RBBP8: variants seen among roughly 807,000 people sequenced by gnomAD.
The protein encoded by RBBP8 is DNA endonuclease RBBP8.
In RBBP8, 88 loss-of-function variants were observed where a neutral mutation model predicts 108.3. The observed-to-expected ratio is 0.81, with a 90% confidence interval of 0.68 to 0.97. The LOEUF (loss-of-function observed/expected upper bound fraction) is 0.97. Ranked by LOEUF, RBBP8 falls within the 50% of genes least tolerant of loss-of-function variation. RBBP8 has a pLI of 0.00. For synonymous variants in RBBP8, 332 were observed against 348.2 expected, an observed-to-expected ratio of 0.95 and a Z score of 0.52; for missense variants, 1,023 against 1,049.0, an observed-to-expected ratio of 0.98 and a Z score of 0.34.
chr18:22,916,910 A>G (rs1909385082), intron 2 of RBBP8: 1 of 152,176 alleles, frequency 6.6e-6, no homozygotes, highest in South Asian at 2.1e-4. Flanking sequence ...GATTTGCCTA[A>G]GTTAATATAG....
rs771164783 is a variant in RBBP8 at position 22,993,727 on chromosome 18, G to A, written c.1819G>A (p.Gly607Ser). Reference sequence around the variant, plus strand: ...ACAATTATTTCTGTTTTAGAGTGCTGGTTCTCATGAGCCAATAAAAATACA... The same window carrying A: ...ACAATTATTTCTGTTTTAGAGTGCTAGTTCTCATGAGCCAATAAAAATACA... Reference protein sequence around the residue: ...ENVLDDIKSAGSHEPIKIQTR... With the variant: ...ENVLDDIKSASSHEPIKIQTR... Residue 607 changes from glycine to serine, a missense_variant, in exon 12 of 19, where the codon GGT becomes AGT. Coordinates refer to ENST00000327155, the MANE Select transcript of RBBP8 (RefSeq NM_002894.3). 1 of 1,613,992 alleles carries A rather than the reference G, an allele frequency of 6.2e-7. No individual in the cohort carries two copies. Among genetic ancestry groups the A allele is most frequent in the African/African-American group, 1.3e-5 (1 of 74,914 alleles).
At chr18:22,972,648 G>A (rs968524264) in intron 5 of RBBP8, among the ~76,000 whole-genome samples, 10 of 151,886 alleles carry the variant, frequency 6.6e-5, no homozygotes, top group East Asian at 3.9e-4. Flanking sequence ...TCCTAACCTC[G>A]GTTGATCCGC....
At chr18:23,019,998 G>A (rs1419647988) in intron 17 of RBBP8, among the ~76,000 whole-genome samples, 6 of 151,472 alleles carry the variant, frequency 4.0e-5, no homozygotes, top group Non-Finnish European at 7.4e-5. Context: ...TCCTGACCTC[G>A]TGATCCGCCC....
At chr18:22,942,405 A>G (rs1020266689) in intron 2 of RBBP8, among the ~76,000 whole-genome samples, 3 of 152,146 alleles carry the variant, frequency 2.0e-5, no homozygotes, top group African/African-American at 7.2e-5. Context: ...ACTGATCACA[A>G]CAATATAATA....
chr18:23,000,364 G>A (rs1271212426), intron 14 of RBBP8, among the ~76,000 whole-genome samples: 4 of 152,160 alleles, frequency 2.6e-5, no homozygotes, highest in African/African-American at 9.7e-5. Flanking sequence ...ATATGGCATT[G>A]AATTCCTAAT....
chr18:22,920,091 G>A (rs1237672706), intron 3 of RBBP8, among the ~76,000 whole-genome samples: 2 of 151,954 alleles, frequency 1.3e-5, no homozygotes, highest in African/African-American at 2.4e-5. Context: ...GAGAGGCCAC[G>A]GTAAGCGGAT....
At chr18:22,917,088 G>C (rs1364984852) in intron 3 of RBBP8, 1 of 152,110 alleles carries the variant, frequency 6.6e-6, no homozygotes, top group Non-Finnish European at 1.5e-5. Flanking sequence ...GGAATTCCTA[G>C]GAAATGTGAT....
intron 18 of RBBP8, among the ~76,000 whole-genome samples, chr18:23,022,668 T>TAAAATAAATAAAATAAAAA (rs1353697130): frequency 1.5e-5 from 2 of 136,030 alleles, no homozygotes; most frequent in Non-Finnish European, 3.2e-5. Context: ...TAAAATAAAA[T>TAAAATAAATAAAATAAAAA]AAATAACTGT....
At chr18:22,984,765 A>G (rs1047483194) in intron 7 of RBBP8, 121 bp from the exon 8 acceptor site, 4 of 580,772 alleles carry the variant, frequency 6.9e-6, no homozygotes, top group African/African-American at 5.7e-5. Flanking sequence ...AACAGTACTT[A>G]TATTGGATTT....
At chr18:23,021,101 A>G (rs530663305) in intron 17 of RBBP8, among the ~76,000 whole-genome samples, 8 of 152,288 alleles carry the variant, frequency 5.3e-5, no homozygotes, top group Non-Finnish European at 1.0e-4. Context: ...CTCAAGTGTA[A>G]AGTGAAGGAA....
At chr18:23,007,314 C>A (rs1444898256) in intron 16 of RBBP8, among the ~76,000 whole-genome samples, 1 of 152,066 alleles carries the variant, frequency 6.6e-6, no homozygotes, top group Non-Finnish European at 1.5e-5. Flanking sequence ...AGCCACCACA[C>A]CCAGCCTGTC....
intron 3 of RBBP8, among the ~76,000 whole-genome samples, chr18:22,921,354 A>T (rs1031912790): frequency 1.3e-5 from 2 of 152,136 alleles, no homozygotes; most frequent in Non-Finnish European, 2.9e-5. Flanking sequence ...CTTATCCACA[A>T]CTTCTGACTT....
intron 4 of RBBP8, among the ~76,000 whole-genome samples, chr18:22,961,871 TC>T (rs1913132163): frequency 6.6e-6 from 1 of 152,210 alleles, no homozygotes; most frequent in Non-Finnish European, 1.5e-5. Context: ...CAAATCTTTT[TC>T]CTCTCTTTCT....
Position 22,980,714 on chromosome 18 carries a change from G to T in RBBP8, c.429-1504G>T, listed in dbSNP as rs112222775. 5.4e-3 allele frequency among the ~76,000 whole-genome samples: 737 copies of T among 136,878 alleles called. 2 individuals carry two copies. The highest frequency in any genetic ancestry group is 0.023 in the Middle Eastern group (6 of 260). The allele number at this position is 136,878 out of a possible 152,430, so 89.8% of individuals were successfully genotyped here. On this transcript the variant is annotated intron_variant, in intron 6 of 18. Coordinates refer to ENST00000327155, the MANE Select transcript of RBBP8 (RefSeq NM_002894.3). ...TCCATATGACTTAAGTCTTTTTGGG[G>T]TTTTTTTTTTTTTTTTTGGAGACAG...
chr18:22,974,578 C>G (rs1291170029), intron 5 of RBBP8, among the ~76,000 whole-genome samples: 1 of 152,144 alleles, frequency 6.6e-6, no homozygotes, highest in African/African-American at 2.4e-5. Flanking sequence ...TCTCCTGCCT[C>G]CACCTCGAAT....
chr18:22,927,785 G>T (rs1031916364), intron 3 of RBBP8, among the ~76,000 whole-genome samples: 1 of 151,872 alleles, frequency 6.6e-6, no homozygotes, highest in Non-Finnish European at 1.5e-5. Context: ...GGATAGTTCT[G>T]TGCTAAGACT....
At chr18:22,986,924 A>C (rs908498506) in intron 8 of RBBP8, among the ~76,000 whole-genome samples, 2 of 152,192 alleles carry the variant, frequency 1.3e-5, no homozygotes, top group African/African-American at 4.8e-5. Flanking sequence ...TCTAGAACCA[A>C]TTCTGTTCTG....
At chr18:23,009,807 G>A (rs2046124585) in intron 16 of RBBP8, among the ~76,000 whole-genome samples, 1 of 152,164 alleles carries the variant, frequency 6.6e-6, no homozygotes, top group African/African-American at 2.4e-5. Context: ...CTGTCACCAG[G>A]CTAGGGTGCA....
chr18:22,926,056 C>T (rs189431524), intron 3 of RBBP8, among the ~76,000 whole-genome samples: 134 of 152,218 alleles, frequency 8.8e-4, no homozygotes, highest in South Asian at 1.4e-3. Flanking sequence ...TGAATAGATA[C>T]GAAATATTGT....
Sources: gnomAD v4.1 joint callset for allele counts (sites outside exome capture counted in the v4.1 genomes callset) on GRCh38, gnomAD v4.1.1 for gene constraint, MANE v1.5 for transcripts, NCBI Gene and HGNC (gene_info 2026-07-23, HGNC 2026-07-21) for gene names.